Variants in ZMIZ1 observed in about 807,000 individuals in gnomAD.
The protein encoded by ZMIZ1 is zinc finger MIZ domain-containing protein 1.
A neutral mutation model predicts 113.9 loss-of-function variants in ZMIZ1; 17 were observed. The observed-to-expected ratio is 0.15, with a 90% CI of 0.10 to 0.22. The LOEUF is 0.22. ZMIZ1 is among the 10% of genes least tolerant of loss of function. ZMIZ1 has a pLI of 1.00. For synonymous variants in ZMIZ1, 607 were observed against 603.1 expected (o/e 1.01, Z -0.09); for missense variants, 1,059 against 1,477.8 (o/e 0.72, Z 4.65).
rs1853891826 is a variant in ZMIZ1, at chr10:79,296,402, C to G, written c.1231-69C>G. 2.6e-6 allele frequency: 4 copies of G among 1,557,950 alleles called. No homozygotes were observed. In the East Asian group the frequency reaches 9.0e-5, roughly 35 times the overall value. On this transcript the variant is annotated intron_variant, in intron 12 of 24. Coordinates refer to ENST00000334512, the MANE Select transcript of ZMIZ1 (RefSeq NM_020338.4). This position sits in a 1 kb window ranked among gnomAD's most constrained non-coding sequence, Gnocchi z 4.1. ...GAGAGGCGGGCCCCATCCCGTTGTT[C>G]AGGTGACCTGGCTATGTGACGTTGG...
At chr10:79,292,936 G>A in intron 11 of ZMIZ1, 2 of 463,392 alleles carry the variant, frequency 4.3e-6, no homozygotes, top group Admixed American at 2.3e-5. Flanking sequence ...GGGGATGGAG[G>A]GTGTGCCTCC....
chr10:79,202,560 C>T (rs1056836285), intron 5 of ZMIZ1, among the ~76,000 whole-genome samples: 1 of 151,932 alleles, frequency 6.6e-6, no homozygotes. Context: ...CTCAGCCCCT[C>T]TGGTGCTGGG....
chr10:79,140,364 G>A (rs1351886555), intron 3 of ZMIZ1, among the ~76,000 whole-genome samples: 1 of 152,160 alleles, frequency 6.6e-6, no homozygotes, highest in Non-Finnish European at 1.5e-5. Flanking sequence ...GGAAGTTAAT[G>A]GTGCCTGCCA....
In ZMIZ1 at chr10:79,118,230, TG is replaced by T. The variant is rs1159827500; in HGVS notation, c.-336-679del. Among the ~76,000 whole-genome samples, 1 of 152,124 alleles carries T rather than the reference TG, an allele frequency of 6.6e-6. No homozygotes were observed. The highest frequency in any genetic ancestry group is 2.4e-5 in the African/African-American group (1 of 41,422). On this transcript the variant is annotated intron_variant, in intron 1 of 24. Transcript: ENST00000334512. This position sits in a 1 kb window ranked among gnomAD's most constrained non-coding sequence, Gnocchi z 4.1. ...TTCTAGAATCGAATAGAGGAAGGGA[TG>T]GGGGGAGGCCTCCTGACTTCAGTCA...
intron 4 of ZMIZ1, among the ~76,000 whole-genome samples, chr10:79,198,219 A>G (rs1273106304): frequency 2.6e-5 from 4 of 152,148 alleles, no homozygotes; most frequent in African/African-American, 9.7e-5. Context: ...AGATCACGCC[A>G]CTGCACTCCA....
At chr10:79,280,360 G>T (rs989938954) in intron 8 of ZMIZ1, among the ~76,000 whole-genome samples, 1 of 152,026 alleles carries the variant, frequency 6.6e-6, no homozygotes, top group African/African-American at 2.4e-5. Flanking sequence ...CTGCAGCCTC[G>T]ACCTCCTTGG....
intron 1 of ZMIZ1, among the ~76,000 whole-genome samples, chr10:79,085,348 G>A (rs571297640): frequency 1.3e-5 from 2 of 152,342 alleles, no homozygotes; most frequent in Non-Finnish European, 1.5e-5. Context: ...GGGGGTCAAG[G>A]GGCCAACATG....
At chr10:79,126,364 GAGGCTGCTGACCAC>G (rs1844512512) in intron 2 of ZMIZ1, among the ~76,000 whole-genome samples, 2 of 152,204 alleles carry the variant, frequency 1.3e-5, no homozygotes, top group Non-Finnish European at 2.9e-5. Flanking sequence ...AACCATCTGG[GAGGCTGCTGACCAC>G]AGGCAGCATG....
chr10:79,282,983 T>G (rs960641698), intron 8 of ZMIZ1, among the ~76,000 whole-genome samples: 4 of 152,248 alleles, frequency 2.6e-5, no homozygotes, highest in African/African-American at 7.2e-5. Context: ...AGTGAAGTCT[T>G]TCAACCTCCT....
At chr10:79,196,782 G>T (rs771059293) in intron 4 of ZMIZ1, among the ~76,000 whole-genome samples, 1 of 152,210 alleles carries the variant, frequency 6.6e-6, no homozygotes, top group African/African-American at 2.4e-5. Context: ...CTCTGCCCCC[G>T]GACACAATGT....
At chr10:79,227,214 A>T (rs148492796) in intron 7 of ZMIZ1, among the ~76,000 whole-genome samples, 42 of 152,344 alleles carry the variant, frequency 2.8e-4, no homozygotes, top group Non-Finnish European at 5.3e-4. Flanking sequence ...GCCAAAGATC[A>T]CCTGAACTGC....
chr10:79,203,910 G>C (rs1168909237), intron 5 of ZMIZ1, among the ~76,000 whole-genome samples: 2 of 152,300 alleles, frequency 1.3e-5, no homozygotes, highest in African/African-American at 2.4e-5. Context: ...CACACACACA[G>C]AGGGCTCTGC....
Position 79,069,054 on chromosome 10 carries a change from G to C in ZMIZ1, c.-553G>C, listed in dbSNP as rs1842153719. On this transcript the variant is annotated 5_prime_UTR_variant, in exon 1 of 25. Transcript: ENST00000334512. The surrounding 1 kb of genome is among the most constrained non-coding windows in gnomAD (Gnocchi z 4.6). ...CGGCGGCGGGCGCCGGGGAGAGCGG[G>C]CGGCCGGGCGGCAGGCGGGCGAGCA... 6.6e-6 allele frequency: 1 copy of C among 151,286 alleles called. No individual in the cohort carries two copies. The highest frequency in any genetic ancestry group is 6.6e-5 in the Admixed American group (1 of 15,038). The allele number at this position is 151,286 out of a possible 1,614,324, so 9.4% of individuals were successfully genotyped here.
chr10:79,104,943 G>T (rs1367578519), intron 1 of ZMIZ1, among the ~76,000 whole-genome samples: 2 of 144,388 alleles, frequency 1.4e-5, no homozygotes, highest in Non-Finnish European at 3.0e-5. Context: ...TTGGGTTGTT[G>T]TTGTGGGGTG....
At chr10:79,154,043 G>A (rs1050226959) in intron 3 of ZMIZ1, among the ~76,000 whole-genome samples, 1 of 152,182 alleles carries the variant, frequency 6.6e-6, no homozygotes, top group Non-Finnish European at 1.5e-5. Context: ...TCAGTGCCAC[G>A]ACCTTCCTGT....
chr10:79,095,444 T>C (rs1843136776), intron 1 of ZMIZ1, among the ~76,000 whole-genome samples: 1 of 152,234 alleles, frequency 6.6e-6, no homozygotes, highest in Admixed American at 6.5e-5. Context: ...CTTTGCTTTT[T>C]GGCAATAACC....
intron 8 of ZMIZ1, among the ~76,000 whole-genome samples, chr10:79,285,994 G>C (rs1343664298): frequency 6.6e-6 from 1 of 152,244 alleles, no homozygotes; most frequent in Non-Finnish European, 1.5e-5. Context: ...TTCTGGCCTT[G>C]GTGCTTCTGT....
At chr10:79,174,146 A>G (rs1846719994) in intron 4 of ZMIZ1, among the ~76,000 whole-genome samples, 1 of 152,200 alleles carries the variant, frequency 6.6e-6, no homozygotes, top group East Asian at 1.9e-4. Flanking sequence ...TGAAGCGGCC[A>G]GCACAGGTTG....
At chr10:79,084,068 A>G (rs1234046300) in intron 1 of ZMIZ1, among the ~76,000 whole-genome samples, 3 of 152,302 alleles carry the variant, frequency 2.0e-5, no homozygotes, top group East Asian at 3.9e-4. Flanking sequence ...TCTATGCACC[A>G]TAGTTTCCCA....
Sources: allele counts gnomAD v4.1 joint callset (sites outside exome capture counted in the v4.1 genomes callset), GRCh38; gene constraint gnomAD v4.1.1; non-coding constraint Gnocchi (gnomAD v3.1); transcripts MANE v1.5; gene names NCBI Gene and HGNC (gene_info 2026-07-23, HGNC 2026-07-21).